Variants in NRXN3 observed in about 807,000 individuals in gnomAD.
NRXN3 encodes neurexin III.
A neutral mutation model predicts 137.6 loss-of-function variants in NRXN3; 32 were observed. That is an observed-to-expected ratio of 0.23 (90% CI 0.18 to 0.31). NRXN3 has a LOEUF of 0.31. Among genes scored for constraint, NRXN3 ranks in the 10% least tolerant of loss-of-function variants. The pLI is 1.00. For synonymous variants in NRXN3, 798 were observed against 784.5 expected (o/e 1.02, Z -0.29); for missense variants, 1,574 against 2,062.5 (o/e 0.76, Z 4.59).
At chr14:79,204,534 A>G (rs1239085027) in intron 15 of NRXN3, among the ~76,000 whole-genome samples, 1 of 152,156 alleles carries the variant, frequency 6.6e-6, no homozygotes, top group Non-Finnish European at 1.5e-5. Flanking sequence ...GAATCTTGGC[A>G]TAAGAAAAAT....
At chr14:78,765,345 G>T (rs1478229357) in intron 8 of NRXN3, among the ~76,000 whole-genome samples, 1 of 152,086 alleles carries the variant, frequency 6.6e-6, no homozygotes, top group African/African-American at 2.4e-5. Flanking sequence ...TAGACATGGG[G>T]TTTCTCCATG....
At chr14:79,712,626 C>A (rs1463926999) in intron 19 of NRXN3, among the ~76,000 whole-genome samples, 1 of 152,198 alleles carries the variant, frequency 6.6e-6, no homozygotes, top group Non-Finnish European at 1.5e-5. Context: ...TTAATGAATA[C>A]CCTCGTTATC....
At chr14:79,190,442 T>A (rs2064136131) in intron 15 of NRXN3, among the ~76,000 whole-genome samples, 1 of 152,190 alleles carries the variant, frequency 6.6e-6, no homozygotes, top group African/African-American at 2.4e-5. Context: ...GACCTTAAGC[T>A]TTTCTAAATG....
chr14:79,272,893 C>T (rs1363258499), intron 15 of NRXN3, among the ~76,000 whole-genome samples: 1 of 152,110 alleles, frequency 6.6e-6, no homozygotes, highest in African/African-American at 2.4e-5. Flanking sequence ...TGGGTGGGGG[C>T]CGGGTGCGGT....
At chr14:79,458,627 C>A (rs1245691474) in intron 15 of NRXN3, among the ~76,000 whole-genome samples, 1 of 152,128 alleles carries the variant, frequency 6.6e-6, no homozygotes, top group Admixed American at 6.5e-5. Flanking sequence ...TTCTGGATTT[C>A]CATTTTGTTT....
intron 15 of NRXN3, among the ~76,000 whole-genome samples, chr14:79,141,229 G>T (rs2058761124): frequency 6.6e-6 from 1 of 152,160 alleles, no homozygotes; most frequent in Non-Finnish European, 1.5e-5. Flanking sequence ...GTCAAGAAAG[G>T]TCAAGCTGTC....
chr14:79,706,124 T>A (rs1474612019), intron 19 of NRXN3, among the ~76,000 whole-genome samples: 2 of 152,150 alleles, frequency 1.3e-5, no homozygotes, highest in African/African-American at 4.8e-5. Context: ...GGTTTGCTGC[T>A]CTTGGATCTT....
intron 7 of NRXN3, 100 bp from the exon 8 acceptor site, chr14:78,714,656 C>T (rs1362277711): frequency 7.5e-7 from 1 of 1,325,176 alleles, no homozygotes; most frequent in African/African-American, 1.5e-5. Context: ...ATTGTTCTCT[C>T]CTGGCCAGCC....
chr14:79,666,063 T>A (rs1429737038), intron 17 of NRXN3, among the ~76,000 whole-genome samples: 2 of 152,118 alleles, frequency 1.3e-5, no homozygotes, highest in Admixed American at 6.6e-5. Context: ...ATTGAAATAT[T>A]TGGTGCCTCT....
chr14:79,296,902 T>G (rs2084263448), intron 15 of NRXN3, among the ~76,000 whole-genome samples: 1 of 152,270 alleles, frequency 6.6e-6, no homozygotes, highest in Non-Finnish European at 1.5e-5. Flanking sequence ...TAGCAGTTCC[T>G]GCGTGATCTG....
chr14:79,191,415 T>A (rs1473835129), intron 15 of NRXN3, among the ~76,000 whole-genome samples: 1 of 152,184 alleles, frequency 6.6e-6, no homozygotes, highest in Non-Finnish European at 1.5e-5. Context: ...ATGGCTCAGG[T>A]TGGCCTACAT....
chr14:79,796,845 A>T (rs2099162455), intron 19 of NRXN3, among the ~76,000 whole-genome samples: 1 of 152,188 alleles, frequency 6.6e-6, no homozygotes, highest in Non-Finnish European at 1.5e-5. Context: ...ATTCCTATGT[A>T]GTCTGCTGTC....
chr14:79,633,846 C>T (rs1310762682), intron 16 of NRXN3, among the ~76,000 whole-genome samples: 2 of 152,076 alleles, frequency 1.3e-5, no homozygotes, highest in African/African-American at 4.8e-5. Flanking sequence ...AGCCAACTGG[C>T]CTGTTTTAAC....
chr14:79,679,000 A>G (rs1299921637), intron 17 of NRXN3, among the ~76,000 whole-genome samples: 1 of 151,878 alleles, frequency 6.6e-6, no homozygotes, highest in Non-Finnish European at 1.5e-5. Context: ...AAAATGAGAG[A>G]CTTTATCTTT....
rs997058684 is a variant in NRXN3 at position 79,640,753 on chromosome 14, C to T, written c.3445-23025C>T. ...CTGGTGACTTTTGTTCTACTTGATA[C>T]GGCATATCCATTCTTGAGTGAGGCT... On this transcript the variant is annotated intron_variant, in intron 16 of 20. Coordinates refer to ENST00000335750, the MANE Select transcript of NRXN3 (RefSeq NM_001330195.2). Among the ~76,000 whole-genome samples, 21 of 135,616 alleles carry T rather than the reference C, an allele frequency of 1.5e-4. 3 individuals are homozygous for T. Among genetic ancestry groups the T allele is most frequent in the African/African-American group, 3.9e-4 (16 of 40,746 alleles). 89.0% of individuals were successfully genotyped at this position (135,616 alleles called of 152,430 possible). A position where few individuals can be genotyped will look rare whatever the true frequency, so the allele number is the denominator to read the frequency against.
intron 19 of NRXN3, among the ~76,000 whole-genome samples, chr14:79,764,268 T>C (rs1235402094): frequency 6.6e-6 from 1 of 152,088 alleles, no homozygotes; most frequent in Non-Finnish European, 1.5e-5. Context: ...ATTGCAGCCA[T>C]GTTATAATCT....
chr14:78,930,459 C>T (rs2099318436), intron 10 of NRXN3, among the ~76,000 whole-genome samples: 1 of 152,080 alleles, frequency 6.6e-6, no homozygotes, highest in Non-Finnish European at 1.5e-5. Context: ...TTGTTAAGTG[C>T]CTATTGTAAT....
chr14:79,472,977 C>G (rs2096527946), intron 16 of NRXN3, among the ~76,000 whole-genome samples: 1 of 152,182 alleles, frequency 6.6e-6, no homozygotes, highest in Non-Finnish European at 1.5e-5. Flanking sequence ...ATTTCTTTCT[C>G]TCTGTATGTA....
At chr14:79,262,941 G>A (rs557756394) in intron 15 of NRXN3, among the ~76,000 whole-genome samples, 19 of 152,260 alleles carry the variant, frequency 1.2e-4, no homozygotes, top group African/African-American at 3.9e-4. Flanking sequence ...GATTGAATCT[G>A]CTGGATGTCT....
Sources: allele counts gnomAD v4.1 joint callset (sites outside exome capture counted in the v4.1 genomes callset), GRCh38; gene constraint gnomAD v4.1.1; transcripts MANE v1.5; gene names NCBI Gene and HGNC (gene_info 2026-07-23, HGNC 2026-07-21).